The following ASAP3 variants were observed in gnomAD, a reference collection of about 807,000 sequenced individuals.
ASAP3 encodes arf-GAP with SH3 domain, ANK repeat and PH domain-containing protein 3.
Under a neutral mutation model 118.2 loss-of-function variants are expected in ASAP3, and 85 were observed. The observed-to-expected ratio is 0.72, with a 90% CI of 0.60 to 0.86. ASAP3 has a LOEUF of 0.86. Among genes scored for constraint, ASAP3 ranks in the 40% least tolerant of loss-of-function variants. ASAP3 has a pLI of 0.00. For missense variants in ASAP3, 1,026 were observed against 1,175.0 expected (o/e 0.87, Z 1.85); for synonymous variants, 432 against 477.4 (o/e 0.90, Z 1.24).
At chr1:23,441,782 G>T in intron 7 of ASAP3, 52 bp from the exon 8 acceptor site, 1 of 1,593,922 alleles carries the variant, frequency 6.3e-7, no homozygotes, top group African/African-American at 1.3e-5. Context: ...GGAAATGAGA[G>T]ATGAAGCCAG....
At chr1:23,430,003 C>T (rs567601486) in intron 24 of ASAP3, 73 bp from the exon 25 acceptor site, 15 of 1,227,964 alleles carry the variant, frequency 1.2e-5, no homozygotes, top group African/African-American at 5.9e-5. Flanking sequence ...CACTCAGTTT[C>T]ACATCTGTCC....
Position 23,438,854 on chromosome 1 carries a change from G to C in ASAP3, c.1015-20C>G. On this transcript the variant is annotated intron_variant, in intron 11 of 24. Coordinates refer to ENST00000336689, the MANE Select transcript of ASAP3 (RefSeq NM_017707.4). The surrounding 1 kb of genome is among the most constrained non-coding windows in gnomAD (Gnocchi z 4.9). ...GTTTATCTGTGGGAATTTAGGGGCGGAGGATGTATGCATTACCTCTGGCCC... is the reference window on the plus strand; with the variant it reads ...GTTTATCTGTGGGAATTTAGGGGCGCAGGATGTATGCATTACCTCTGGCCC... The C allele has an allele frequency of 2.5e-6, 4 of 1,611,780 alleles. No homozygotes were observed. Among genetic ancestry groups the C allele is most frequent in the Non-Finnish European group, 3.4e-6 (4 of 1,177,982 alleles).
At chr1:23,472,246 T>C (rs930020858) in intron 1 of ASAP3, among the ~76,000 whole-genome samples, 26 of 152,222 alleles carry the variant, frequency 1.7e-4, no homozygotes, top group African/African-American at 6.3e-4. Flanking sequence ...GAATTTTACC[T>C]GAATGAGAGG....
chr1:23,437,757 C>T lies in ASAP3; in HGVS notation c.1103-285G>A, dbSNP rs1381244987. On this transcript the variant is annotated intron_variant, in intron 12 of 24. Coordinates refer to ENST00000336689, the MANE Select transcript of ASAP3 (RefSeq NM_017707.4). This position sits in a 1 kb window ranked among gnomAD's most constrained non-coding sequence, Gnocchi z 6.1. The stretch of plus-strand genomic sequence containing the variant: ...GGGCTTGGAACCCCAGAGAACCCAG[C>T]TCTGAGGCAGGGCATCCTCTGAACC... Among the ~76,000 whole-genome samples the T allele has an allele frequency of 1.6e-4, 24 of 152,202 alleles. No individual in the cohort carries two copies. The highest frequency in any genetic ancestry group is 1.6e-3 in the Admixed American group (24 of 15,278).
intron 5 of ASAP3, among the ~76,000 whole-genome samples, chr1:23,444,871 G>A (rs967940225): frequency 1.3e-5 from 2 of 151,866 alleles, no homozygotes; most frequent in Non-Finnish European, 2.9e-5. Context: ...TGTATGTTTA[G>A]CAGCCTCCCT....
At chr1:23,466,043 A>G (rs1641759444) in intron 1 of ASAP3, among the ~76,000 whole-genome samples, 1 of 152,194 alleles carries the variant, frequency 6.6e-6, no homozygotes, top group Admixed American at 6.5e-5. Context: ...GTTGACAGCA[A>G]TGGTGAGGCC....
chr1:23,434,280 A>G lies in ASAP3; in HGVS notation c.1925T>C (p.Leu642Pro), dbSNP rs1166448755. 1 of 1,614,180 alleles carries G rather than the reference A, an allele frequency of 6.2e-7. No homozygotes were observed. The highest frequency in any genetic ancestry group is 2.2e-5 in the East Asian group (1 of 44,884). Residue 642 changes from leucine (L) to proline (P), a missense_variant, in exon 19 of 25, where the codon CTG becomes CCG. By Grantham distance (98) the Leu-to-Pro change is moderately conservative. Transcript: ENST00000336689. ...TGTGCCAACCAAAGCTCTCCCCTTC[A>G]GCAGCAGCTTGAGGCAGTCGGGCTG... ...YNQPDCLKLL[L>P]KGRALVGTVN...
intron 1 of ASAP3, among the ~76,000 whole-genome samples, chr1:23,468,964 A>C (rs1477295710): frequency 5.9e-5 from 9 of 151,336 alleles, no homozygotes; most frequent in East Asian, 1.9e-4. Context: ...AAAAAAAAAA[A>C]CAAAAAAAAC....
rs78895419 is a variant in ASAP3, at chr1:23,437,822, T to G, written c.1103-350A>C. ...CACTGGGCCCTTCCTGGTCTCCTCC[T>G]GGGCGACCAGGCCTCCTGTCTGGTC... On this transcript the variant is annotated intron_variant, in intron 12 of 24. Transcript: ENST00000336689. This position sits in a 1 kb window ranked among gnomAD's most constrained non-coding sequence, Gnocchi z 6.1. 2.2e-3 allele frequency among the ~76,000 whole-genome samples: 333 copies of G among 152,230 alleles called. 9 individuals carry two copies. In the East Asian group the frequency reaches 0.06, roughly 27 times the overall value.
chr1:23,465,157 C>A (rs1194940662), intron 1 of ASAP3, among the ~76,000 whole-genome samples: 1 of 152,214 alleles, frequency 6.6e-6, no homozygotes. Flanking sequence ...ATGTTATCTA[C>A]TTCAAAATTA....
chr1:23,447,126 C>G (rs372577320), intron 5 of ASAP3, among the ~76,000 whole-genome samples: 1 of 152,214 alleles, frequency 6.6e-6, no homozygotes, highest in East Asian at 1.9e-4. Context: ...CGCTCACCTC[C>G]TGCTGTTCAG....
intron 5 of ASAP3, among the ~76,000 whole-genome samples, chr1:23,443,922 C>T (rs1413654640): frequency 2.0e-5 from 3 of 151,978 alleles, no homozygotes; most frequent in African/African-American, 7.3e-5. Context: ...GGGGTTTCAC[C>T]GTGTTAGCCA....
intron 5 of ASAP3, among the ~76,000 whole-genome samples, chr1:23,446,176 C>T (rs1641041595): frequency 6.6e-6 from 1 of 152,088 alleles, no homozygotes; most frequent in South Asian, 2.1e-4. Flanking sequence ...ATATCTGCTC[C>T]AGAGTAAATG....
At chr1:23,460,519 A>C (rs79751077) in intron 1 of ASAP3, among the ~76,000 whole-genome samples, 14,767 of 150,184 alleles carry the variant, frequency 0.098, 955 homozygotes, top group Non-Finnish European at 0.13. Flanking sequence ...AAAAAAAAAA[A>C]AAAAAAACCA....
chr1:23,474,961 C>T (rs1207489500), intron 1 of ASAP3, among the ~76,000 whole-genome samples: 2 of 152,180 alleles, frequency 1.3e-5, no homozygotes, highest in African/African-American at 4.8e-5. Context: ...TTCCAGGGTG[C>T]TGGTTTAAAT....
chr1:23,452,579 C>G, intron 4 of ASAP3, 118 bp downstream of exon 4: 2 of 1,134,298 alleles, frequency 1.8e-6, no homozygotes, highest in Non-Finnish European at 2.6e-6. Flanking sequence ...GCTCATCACT[C>G]CCGCTAAGAC....
intron 1 of ASAP3, among the ~76,000 whole-genome samples, chr1:23,468,375 G>A (rs1641844133): frequency 6.6e-6 from 1 of 152,112 alleles, no homozygotes. Context: ...CCCTTTAAAA[G>A]CATTCTTGAA....
chr1:23,465,656 C>T (rs567908634), intron 1 of ASAP3, among the ~76,000 whole-genome samples: 3 of 152,152 alleles, frequency 2.0e-5, no homozygotes, highest in East Asian at 1.9e-4. Context: ...CGTGTGCCAC[C>T]ATGCCCAGCT....
chr1:23,431,238 TC>T, intron 23 of ASAP3, 113 bp from the exon 24 acceptor site: 1 of 1,089,702 alleles, frequency 9.2e-7, no homozygotes, highest in Non-Finnish European at 1.3e-6. Context: ...GTGGGTAGAG[TC>T]CACAAGGCCC....
Sources: allele counts gnomAD v4.1 joint callset (sites outside exome capture counted in the v4.1 genomes callset), GRCh38; gene constraint gnomAD v4.1.1; non-coding constraint Gnocchi (gnomAD v3.1); transcripts MANE v1.5; gene names NCBI Gene and HGNC (gene_info 2026-07-23, HGNC 2026-07-21).